DLG5: variants seen among roughly 807,000 people sequenced by gnomAD.
DLG5 encodes the protein disks large homolog 5.
A neutral mutation model predicts 189.8 loss-of-function variants in DLG5; 48 were observed. The ratio of observed to expected loss-of-function variants is 0.25; its 90% confidence interval spans 0.20 to 0.32. The LOEUF (loss-of-function observed/expected upper bound fraction) is 0.32, where lower values mean the gene tolerates loss of function less well. Among genes scored for constraint, DLG5 ranks in the 10% least tolerant of loss-of-function variants. The pLI, the probability that DLG5 is intolerant of heterozygous loss-of-function variation, is 1.00. For missense variants in DLG5, 2,160 were observed against 2,544.7 expected, an observed-to-expected ratio of 0.85 and a Z score of 3.25; for synonymous variants, 1,016 against 1,054.1, an observed-to-expected ratio of 0.96 and a Z score of 0.70.
intron 1 of DLG5, among the ~76,000 whole-genome samples, chr10:77,915,068 C>T (rs1425109232): frequency 6.6e-6 from 1 of 152,162 alleles, no homozygotes. Flanking sequence ...GTGGCTTGCA[C>T]CTGTAATCCC....
In DLG5 at chr10:77,854,248, G is replaced by A; in HGVS notation, c.659C>T (p.Ala220Val). ...TNALKRCEEV[A>V]KETDFYHTLH... Reference sequence around the variant, plus strand: ...TCACTGGTAGAAGTCAGTCTCCTTGGCCACCTCCTCACACCTCTTCAAGGC... The same window carrying A: ...TCACTGGTAGAAGTCAGTCTCCTTGACCACCTCCTCACACCTCTTCAAGGC... Residue 220 changes from alanine to valine, a missense_variant, in exon 4 of 32, where the codon GCC (alanine) becomes GTC (valine). Physicochemically the swap from Ala to Val is moderately conservative, Grantham distance 64. This residue lies in a region of DLG5 where 664 missense variants were observed against 838.5 expected (regional missense o/e 0.79). Transcript: ENST00000372391. The A allele has an allele frequency of 6.2e-7, 1 of 1,614,134 alleles. No individual in the cohort carries two copies.
intron 1 of DLG5, among the ~76,000 whole-genome samples, chr10:77,870,652 T>C (rs1169402215): frequency 6.6e-6 from 1 of 151,866 alleles, no homozygotes; most frequent in Non-Finnish European, 1.5e-5. Context: ...GCCACTGCAC[T>C]TCAGCCTGGG....
intron 1 of DLG5, among the ~76,000 whole-genome samples, chr10:77,888,070 C>T (rs1293621205): frequency 2.0e-5 from 3 of 152,188 alleles, no homozygotes; most frequent in African/African-American, 7.2e-5. Flanking sequence ...GGATTTTGTG[C>T]AAACATGCGT....
At chr10:77,811,058 C>T (rs778297902) in intron 23 of DLG5, 36 bp downstream of exon 23, 7 of 1,598,342 alleles carry the variant, frequency 4.4e-6, no homozygotes, top group East Asian at 2.2e-5. Flanking sequence ...CCAGCCGAAG[C>T]GGACACAGGG....
chr10:77,820,589 G>T (rs12260898), intron 15 of DLG5: 2 of 176,064 alleles, frequency 1.1e-5, no homozygotes, highest in Non-Finnish European at 1.2e-5. Context: ...CATCAGGCAC[G>T]TACAACTCTG....
chr10:77,867,839 C>A, intron 2 of DLG5: 2 of 433,334 alleles, frequency 4.6e-6, no homozygotes, highest in Admixed American at 2.4e-5. Context: ...GTGAAATAGT[C>A]TTTACAGATG....
intron 2 of DLG5, 81 bp from the exon 3 acceptor site, chr10:77,856,973 T>C: frequency 7.1e-7 from 1 of 1,400,322 alleles, no homozygotes; most frequent in Non-Finnish European, 9.7e-7. Flanking sequence ...GCTGTTGGCT[T>C]GTGTTAGCTA....
chr10:77,830,720 G>T, intron 10 of DLG5, 21 bp downstream of exon 10: 1 of 1,612,586 alleles, frequency 6.2e-7, no homozygotes, highest in Non-Finnish European at 8.5e-7. Flanking sequence ...AAGGAGAGAA[G>T]AACCATCAGA....
chr10:77,817,203 C>G (rs1842103618), intron 18 of DLG5, 107 bp from the exon 19 acceptor site: 1 of 1,022,168 alleles, frequency 9.8e-7, no homozygotes, highest in East Asian at 2.4e-5. Flanking sequence ...AAGCTGGGCC[C>G]TGCTGTTTAT....
At chr10:77,931,751 TC>T (rs888039477), upstream of DLG5, among the ~76,000 whole-genome samples, 6 of 152,064 alleles carry the variant, frequency 3.9e-5, no homozygotes, top group Non-Finnish European at 7.4e-5. Context: ...TCCTCTTCTG[TC>T]CCCATGCTCC....
At chr10:77,883,170 G>A (rs1394671846) in intron 1 of DLG5, among the ~76,000 whole-genome samples, 1 of 152,156 alleles carries the variant, frequency 6.6e-6, no homozygotes, top group African/African-American at 2.4e-5. Flanking sequence ...GAACTGGAAG[G>A]ATGGAAGCAG....
chr10:77,913,288 G>A (rs1273248530), intron 1 of DLG5, among the ~76,000 whole-genome samples: 1 of 152,016 alleles, frequency 6.6e-6, no homozygotes, highest in East Asian at 1.9e-4. Context: ...CTGGGCAAGG[G>A]GAGCTGCCAG....
At chr10:77,928,263 T>A (rs1002993245), upstream of DLG5, 3 of 152,248 alleles carry the variant, frequency 2.0e-5, no homozygotes, top group African/African-American at 7.2e-5. Flanking sequence ...AGCTCAAGGA[T>A]GTCAATGAAG....
At chr10:77,890,444 C>T (rs1393809098) in intron 1 of DLG5, among the ~76,000 whole-genome samples, 2 of 152,168 alleles carry the variant, frequency 1.3e-5, no homozygotes, top group African/African-American at 4.8e-5. Context: ...TGCCATTTAC[C>T]ACCACGGGCA....
At chr10:77,832,760 A>C (rs1490055317) in intron 9 of DLG5, among the ~76,000 whole-genome samples, 2 of 152,218 alleles carry the variant, frequency 1.3e-5, no homozygotes, top group African/African-American at 4.8e-5. Flanking sequence ...AAAATGTCCC[A>C]TGTTCACGGC....
rs1302900947 is a variant in DLG5 at position 77,868,918 on chromosome 10, G to A, written c.373+211C>T. On this transcript the variant is annotated intron_variant, in intron 2 of 31. Coordinates refer to ENST00000372391, the MANE Select transcript of DLG5 (RefSeq NM_004747.4). The stretch of plus-strand genomic sequence containing the variant: ...GACAAAGTAAACAATGGCAAAACAT[G>A]TGCTTCCCAGCACTCACCTCCCCAC... 4 of 566,622 alleles carry A rather than the reference G, an allele frequency of 7.1e-6. No individual in the cohort carries two copies. In the African/African-American group the frequency reaches 7.8e-5, roughly 11 times the overall value. The allele number at this position is 566,622 out of a possible 1,614,324, so 35.1% of individuals were successfully genotyped here.
chr10:77,844,340 T>G (rs1392817995), intron 5 of DLG5, among the ~76,000 whole-genome samples: 2 of 152,224 alleles, frequency 1.3e-5, no homozygotes, highest in Non-Finnish European at 2.9e-5. Flanking sequence ...AGGCCCAGTT[T>G]CCCCTGGACT....
intron 7 of DLG5, among the ~76,000 whole-genome samples, chr10:77,839,989 A>C (rs763969638): frequency 3.5e-4 from 53 of 152,246 alleles, no homozygotes; most frequent in Non-Finnish European, 7.2e-4. Context: ...ATGAATGCCC[A>C]TCTCAACTCA....
chr10:77,856,719 G>A lies in DLG5; in HGVS notation c.536+11C>T, dbSNP rs184332337. Reference sequence around the variant, plus strand: ...ATGGGGCCTGGGCAGGGGAGACGGCGCAATTACTACCTCTTGTCAAAGGCC... The same window carrying A: ...ATGGGGCCTGGGCAGGGGAGACGGCACAATTACTACCTCTTGTCAAAGGCC... On this transcript the variant is annotated intron_variant, in intron 3 of 31. Transcript: ENST00000372391. 51 of 1,610,364 alleles carry A rather than the reference G, an allele frequency of 3.2e-5. No individual in the cohort carries two copies. In the East Asian group the frequency reaches 4.0e-4, roughly 13 times the overall value.
Sources: gnomAD v4.1 joint callset for allele counts (sites outside exome capture counted in the v4.1 genomes callset) on GRCh38, gnomAD v4.1.1 for gene constraint, gnomAD v4.1.1 regional missense constraint, MANE v1.5 for transcripts, NCBI Gene and HGNC (gene_info 2026-07-23, HGNC 2026-07-21) for gene names.